Variants in CGNL1 observed in about 807,000 individuals in gnomAD.
The protein encoded by CGNL1 is cingulin-like protein 1.
Under a neutral mutation model 141.2 loss-of-function variants are expected in CGNL1, and 132 were observed. That is an observed-to-expected ratio of 0.93 (90% confidence interval 0.81 to 1.08). The LOEUF (loss-of-function observed/expected upper bound fraction) is 1.08, where lower values mean the gene tolerates loss of function less well. Ranked by LOEUF, CGNL1 falls within the 50% of genes least tolerant of loss-of-function variation. The pLI is 0.00. For missense variants in CGNL1, 1,870 were observed against 1,588.6 expected (o/e 1.18, Z -3.01); for synonymous variants, 690 against 622.1 (o/e 1.11, Z -1.63).
chr15:57,484,751 G>A (rs544722152), intron 8 of CGNL1, among the ~76,000 whole-genome samples: 68 of 151,904 alleles, frequency 4.5e-4, no homozygotes, highest in Non-Finnish European at 9.4e-4. Context: ...GGTGTGTGAT[G>A]TTCCCCTCCC....
At chr15:57,545,758 G>A (rs2032828174) in intron 17 of CGNL1, 58 bp downstream of exon 17, 2 of 1,441,694 alleles carry the variant, frequency 1.4e-6, no homozygotes, top group Admixed American at 3.8e-5. Context: ...CAGGCTGAGG[G>A]AGCAAGGGAG....
At chr15:57,517,085 G>A (rs1227882914) in intron 9 of CGNL1, 99 bp downstream of exon 9, 1 of 1,189,616 alleles carries the variant, frequency 8.4e-7, no homozygotes, top group South Asian at 1.4e-5. Context: ...TTGTCATGAT[G>A]TAGTAGGAAA....
chr15:57,437,090 G>A (rs563414042), intron 1 of CGNL1, among the ~76,000 whole-genome samples: 7 of 152,188 alleles, frequency 4.6e-5, no homozygotes, highest in Admixed American at 2.0e-4. Flanking sequence ...GTGAATTTCT[G>A]GTGAGGAACC....
Position 57,438,679 on chromosome 15 carries a change from C to G in CGNL1, c.680C>G (p.Pro227Arg). 1 of 1,614,112 alleles carries G rather than the reference C, an allele frequency of 6.2e-7. No homozygotes were observed. Among genetic ancestry groups the G allele is most frequent in the Middle Eastern group, 1.6e-4 (1 of 6,062 alleles). The change falls in exon 2 of 19, where the codon CCC becomes CGC. Residue 227 changes from proline (P) to arginine (R), a missense_variant. Physicochemically the swap from Pro to Arg is moderately radical, Grantham distance 103 (BLOSUM62 -2). Coordinates refer to ENST00000281282, the MANE Select transcript of CGNL1 (RefSeq NM_032866.5). ...TGCAGCTCCGTGGTCATAGAGGACC[C>G]CAAAAAGCAGACCTCAGTGTGTGTA... Reference protein sequence around the residue: ...RLCSSVVIEDPKKQTSVCVNV... With the variant: ...RLCSSVVIEDRKKQTSVCVNV...
intron 1 of CGNL1, among the ~76,000 whole-genome samples, chr15:57,383,757 G>A (rs975421911): frequency 2.6e-5 from 4 of 151,716 alleles, no homozygotes; most frequent in Non-Finnish European, 5.9e-5. Context: ...GCCTCCCGAG[G>A]AGCTGGGACC....
At chr15:57,386,396 A>G (rs2062483585) in intron 1 of CGNL1, among the ~76,000 whole-genome samples, 1 of 152,172 alleles carries the variant, frequency 6.6e-6, no homozygotes, top group Non-Finnish European at 1.5e-5. Context: ...TGTGATTCCT[A>G]AGGTATGCCT....
chr15:57,446,085 G>A (rs2063247460), intron 4 of CGNL1, among the ~76,000 whole-genome samples: 1 of 152,216 alleles, frequency 6.6e-6, no homozygotes, highest in Non-Finnish European at 1.5e-5. Context: ...AATCTCTAGT[G>A]TAATGTAGAT....
chr15:57,396,117 G>A (rs1388001778), intron 1 of CGNL1, among the ~76,000 whole-genome samples: 1 of 152,070 alleles, frequency 6.6e-6, no homozygotes, highest in East Asian at 1.9e-4. Flanking sequence ...TGCATGTAGC[G>A]ATAATTTGTT....
At chr15:57,532,275 G>A (rs1242074980) in intron 14 of CGNL1, among the ~76,000 whole-genome samples, 2 of 152,184 alleles carry the variant, frequency 1.3e-5, no homozygotes, top group Non-Finnish European at 2.9e-5. Context: ...TGAAACTGCT[G>A]CTGAGTGTTC....
chr15:57,465,885 T>C (rs1193547199), intron 8 of CGNL1, among the ~76,000 whole-genome samples: 5 of 152,156 alleles, frequency 3.3e-5, no homozygotes, highest in African/African-American at 1.2e-4. Context: ...AATGTCAAAT[T>C]ATATTTCGAA....
intron 8 of CGNL1, among the ~76,000 whole-genome samples, chr15:57,505,073 G>T (rs1392105827): frequency 6.6e-6 from 1 of 152,154 alleles, no homozygotes; most frequent in Non-Finnish European, 1.5e-5. Flanking sequence ...GAGGGACCGA[G>T]TGAGAGTCTT....
At position 57,451,491 on chromosome 15, in the gene CGNL1, T is replaced by TA. The variant is rs1189978879; in HGVS notation, c.1804-7dup. 3.8e-6 allele frequency: 6 copies of TA among 1,583,066 alleles called. No homozygotes were observed. Among genetic ancestry groups the TA allele is most frequent in the Non-Finnish European group, 5.2e-6 (6 of 1,158,148 alleles). ...ATTTAAATTAGTATATCTTTGCAATTAATTATAGGCTTGTAATTCCACATC... is the reference window on the plus strand; with the variant it reads ...ATTTAAATTAGTATATCTTTGCAATTAAATTATAGGCTTGTAATTCCACATC... On this transcript the variant is annotated splice_polypyrimidine_tract_variant and intron_variant, in intron 4 of 18. Coordinates refer to ENST00000281282, the MANE Select transcript of CGNL1 (RefSeq NM_032866.5).
chr15:57,504,761 CT>C (rs1193599359), intron 8 of CGNL1, among the ~76,000 whole-genome samples: 2 of 152,156 alleles, frequency 1.3e-5, no homozygotes, highest in African/African-American at 4.8e-5. Flanking sequence ...CTTGCATTTC[CT>C]TGGCCAAAGC....
chr15:57,481,903 C>T (rs1243268182), intron 8 of CGNL1, among the ~76,000 whole-genome samples: 1 of 152,136 alleles, frequency 6.6e-6, no homozygotes, highest in Non-Finnish European at 1.5e-5. Context: ...GACCCAGTTT[C>T]TCTGAATTGT....
At chr15:57,401,292 C>T (rs2062657841) in intron 1 of CGNL1, among the ~76,000 whole-genome samples, 1 of 152,138 alleles carries the variant, frequency 6.6e-6, no homozygotes, top group Non-Finnish European at 1.5e-5. Context: ...TATAATTCTT[C>T]TGTTCAGAGT....
At chr15:57,518,580 C>G (rs773954838) in intron 10 of CGNL1, 83 bp downstream of exon 10, 4 of 920,168 alleles carry the variant, frequency 4.3e-6, no homozygotes, top group Non-Finnish European at 6.9e-6. Context: ...GGAGATTGTC[C>G]TTGGCCCTCT....
At chr15:57,395,623 G>A (rs567022625) in intron 1 of CGNL1, among the ~76,000 whole-genome samples, 16 of 152,366 alleles carry the variant, frequency 1.1e-4, no homozygotes, top group African/African-American at 3.8e-4. Flanking sequence ...TAAGACATGA[G>A]TAGAACTTTG....
chr15:57,542,804 G>T (rs1268236073), intron 14 of CGNL1, among the ~76,000 whole-genome samples: 4 of 152,212 alleles, frequency 2.6e-5, no homozygotes, highest in African/African-American at 9.6e-5. Context: ...ACCTGGGACT[G>T]TCCCAGTTCA....
chr15:57,465,742 T>C (rs1331312761), intron 8 of CGNL1, among the ~76,000 whole-genome samples: 1 of 152,200 alleles, frequency 6.6e-6, no homozygotes, highest in Non-Finnish European at 1.5e-5. Context: ...CCTTCTGTCA[T>C]CAGTTTTTCT....
Sources: allele counts gnomAD v4.1 joint callset (sites outside exome capture counted in the v4.1 genomes callset), GRCh38; gene constraint gnomAD v4.1.1; transcripts MANE v1.5; gene names NCBI Gene and HGNC (gene_info 2026-07-23, HGNC 2026-07-21).